The following SLC49A3 variants were observed in gnomAD, a reference collection of about 807,000 sequenced individuals.
SLC49A3 encodes solute carrier family 49 member A3.
A neutral mutation model predicts 43.8 loss-of-function variants in SLC49A3; 50 were observed. That is an observed-to-expected ratio of 1.14 (90% CI 0.91 to 1.45). SLC49A3 has a LOEUF of 1.45. Among genes scored for constraint, SLC49A3 ranks in the 40% most tolerant of loss-of-function variants. SLC49A3 has a pLI of 0.00. For synonymous variants in SLC49A3, 413 were observed against 352.0 expected (o/e 1.17, Z -1.94); for missense variants, 906 against 774.1 (o/e 1.17, Z -2.02).
rs777792969 is a variant in SLC49A3, at chr4:683,639, C to T, written c.963G>A (p.Leu321=). The change falls in exon 7 of 10, where the codon CTG becomes CTA. Residue 321 remains leucine (L), a synonymous_variant. Transcript: ENST00000322224. ...FTEATKIGLC[L]FSLACVPFAL... ...CAAAGGGCACGCAGGCCAGAGAGAA[C>T]AGGCACAGGCCAATCTTGGTGGCCT... The T allele has an allele frequency of 8.7e-6, 14 of 1,612,166 alleles. No individual in the cohort carries two copies. Among genetic ancestry groups the T allele is most frequent in the Non-Finnish European group, 1.1e-5 (13 of 1,179,598 alleles).
Position 682,831 on chromosome 4 carries a change from T to A in SLC49A3, c.1211A>T (p.Glu404Val). 2 of 1,605,284 alleles carry A rather than the reference T, an allele frequency of 1.2e-6. No individual in the cohort carries two copies. Among genetic ancestry groups the A allele is most frequent in the Non-Finnish European group, 1.7e-6 (2 of 1,175,052 alleles). The change falls in exon 9 of 10, where the codon GAG becomes GTG. Residue 404 changes from glutamate to valine, a missense_variant. Transcript: ENST00000322224. ...AMTALTVRRS[E>V]PSLSTCQQGE... ...CTGCTGGCAGGTGGACAAGGACGGCTCCGAGCGTCGCACAGTCAGTGCCGT... is the reference window on the plus strand; with the variant it reads ...CTGCTGGCAGGTGGACAAGGACGGCACCGAGCGTCGCACAGTCAGTGCCGT...
chr4:679,847 G>C (rs931329915), downstream of SLC49A3: 1 of 1,397,404 alleles, frequency 7.2e-7, no homozygotes. Flanking sequence ...CCTGTGCTGG[G>C]GTCACCTGCT....
chr4:685,680 T>C lies in SLC49A3; in HGVS notation c.585+155A>G, dbSNP rs1032575187. 2.6e-5 allele frequency among the ~76,000 whole-genome samples: 4 copies of C among 151,816 alleles called. No individual in the cohort carries two copies. Among genetic ancestry groups the C allele is most frequent in the African/African-American group, 9.7e-5 (4 of 41,304 alleles). ...GAGATCGCGCCACTGCAATTCAGCC[T>C]GAGCGACAGGCTGAGACTCCTTCTC... On this transcript the variant is annotated intron_variant, in intron 4 of 9. Transcript: ENST00000322224. This position sits in a 1 kb window ranked among gnomAD's most constrained non-coding sequence, Gnocchi z 4.3.
intron 1 of SLC49A3, chr4:688,194 T>C (rs1741426327): frequency 6.6e-6 from 1 of 152,312 alleles, no homozygotes; most frequent in Non-Finnish European, 1.5e-5. Context: ...TTACGGCTCG[T>C]GCCAGCATTG....
Position 682,152 on chromosome 4 carries a change from C to A in SLC49A3, c.1486G>T (p.Ala496Ser), listed in dbSNP as rs775214097. Reference protein sequence around the residue: ...TATPECTARGASLEDPRGPGS... With the variant: ...TATPECTARGSSLEDPRGPGS... ...GGCCCTCTGGGGTCCTCTAGCGAGG[C>A]CCCCCTCGCCGTGCACTCCGGAGTC... The change falls in exon 10 of 10, where the codon GCC becomes TCC. Residue 496 changes from alanine (A) to serine (S), a missense_variant. By Grantham distance (99) the Ala-to-Ser change is moderately conservative. Coordinates refer to ENST00000322224, the MANE Select transcript of SLC49A3 (RefSeq NM_032219.4). 5 of 1,337,440 alleles carry A rather than the reference C, an allele frequency of 3.7e-6. No individual in the cohort carries two copies. The highest frequency in any genetic ancestry group is 3.5e-5 in the Admixed American group (1 of 28,396). 82.8% of individuals were successfully genotyped at this position (1,337,440 alleles called of 1,614,324 possible).
intron 8 of SLC49A3, 106 bp downstream of exon 8, chr4:683,104 C>A: frequency 6.9e-7 from 1 of 1,454,776 alleles, no homozygotes; most frequent in South Asian, 1.3e-5. Flanking sequence ...GCAGGTTCCC[C>A]ACCTCCCCGA....
chr4:683,516 G>T, intron 7 of SLC49A3, 93 bp downstream of exon 7: 1 of 1,505,888 alleles, frequency 6.6e-7, no homozygotes, highest in South Asian at 1.3e-5. Context: ...AGACAGTCCA[G>T]ACCTCTGTTC....
chr4:691,507 A>G (rs1741886138), upstream of SLC49A3, among the ~76,000 whole-genome samples: 1 of 144,868 alleles, frequency 6.9e-6, no homozygotes, highest in Admixed American at 7.0e-5. Context: ...TAAGGTGGGA[A>G]TTGATTAAAC....
chr4:681,718 C>T (rs1372776693), downstream of SLC49A3: 3 of 169,374 alleles, frequency 1.8e-5, no homozygotes, highest in African/African-American at 3.9e-5. Flanking sequence ...CCCTCCAGCG[C>T]CGCCCCGCCC....
intron 6 of SLC49A3, among the ~76,000 whole-genome samples, chr4:684,136 C>T (rs559025136): frequency 5.3e-4 from 81 of 152,336 alleles, no homozygotes; most frequent in South Asian, 5.0e-3. Context: ...CCCCGCTGCA[C>T]GTCTGGATAC....
In SLC49A3 at chr4:686,550, G is replaced by A. The variant is rs144153795; in HGVS notation, c.276C>T (p.Ser92=). The A allele has an allele frequency of 2.4e-5, 39 of 1,612,694 alleles. 2 individuals carry two copies. In the East Asian group the frequency reaches 2.9e-4, roughly 12 times the overall value. ...GACTCACCGCCGCACGGAGCCCGAC[G>A]GAGTCCAGGATCCAGATGGCCGCCA... The part of the protein sequence containing the change: ...FGVAAIWILD[S]VGLRAATILG... The change falls in exon 2 of 10, where the codon TCC becomes TCT. Residue 92 remains serine, a synonymous_variant. Coordinates refer to ENST00000322224, the MANE Select transcript of SLC49A3 (RefSeq NM_032219.4).
At position 684,369 on chromosome 4, in the gene SLC49A3, T is replaced by C. The variant is rs117784957; in HGVS notation, c.840+114A>G. ...GGAGGGCCCACAGCACAGAAGGGTG[T>C]CAATGTGGCCCCCGCCAGGGTCGGA... On this transcript the variant is annotated intron_variant, in intron 6 of 9. Transcript: ENST00000322224. 4,023 of 1,424,782 alleles carry C rather than the reference T, an allele frequency of 2.8e-3. 51 individuals are homozygous for C. In the East Asian group the frequency reaches 0.042, roughly 15 times the overall value. 88.3% of individuals were successfully genotyped at this position (1,424,782 alleles called of 1,614,324 possible).
intron 6 of SLC49A3, among the ~76,000 whole-genome samples, chr4:684,091 G>A (rs1419695096): frequency 6.6e-6 from 1 of 152,246 alleles, no homozygotes; most frequent in Non-Finnish European, 1.5e-5. Context: ...AGGGCAGAGG[G>A]CCAGCTCGGA....
rs1374337257 is a variant in SLC49A3, at chr4:682,048, G to A, written c.1590C>T (p.Pro530=). 5.6e-6 allele frequency: 8 copies of A among 1,416,290 alleles called. No individual in the cohort carries two copies. The highest frequency in any genetic ancestry group is 3.1e-5 in the South Asian group (2 of 64,970). The allele number at this position is 1,416,290 out of a possible 1,614,324, so 87.7% of individuals were successfully genotyped here. ...GPAATDAPSR[P]GRLAGRVQAS... ...CTTGGACCCTGCCTGCGAGTCTGCC[G>A]GGGCGGGAGGGCGCGTCGGTGGCTG... Residue 530 remains proline, a synonymous_variant, in exon 10 of 10, where the codon CCC becomes CCT. Transcript: ENST00000322224.
Position 685,475 on chromosome 4 carries a change from G to A in SLC49A3, c.585+360C>T, listed in dbSNP as rs943450496. 2.6e-5 allele frequency among the ~76,000 whole-genome samples: 4 copies of A among 151,940 alleles called. No individual in the cohort carries two copies. The highest frequency in any genetic ancestry group is 6.6e-5 in the Admixed American group (1 of 15,242). ...AGCACTTTGGGAAGCCGAGGCAGAC[G>A]GATCATGAGGTCAGGAGTTCGAGAC... On this transcript the variant is annotated intron_variant, in intron 4 of 9. Transcript: ENST00000322224. This position sits in a 1 kb window ranked among gnomAD's most constrained non-coding sequence, Gnocchi z 4.3.
rs772398147 is a variant in SLC49A3 at position 681,959 on chromosome 4, T to C, written c.1679A>G (p.Ter560TrpextTer5). The C allele has an allele frequency of 6.1e-5, 84 of 1,370,006 alleles. No homozygotes were observed. The highest frequency in any genetic ancestry group is 1.7e-4 in the Admixed American group (6 of 34,684). 84.9% of individuals were successfully genotyped at this position (1,370,006 alleles called of 1,614,324 possible). A position where few individuals can be genotyped will look rare whatever the true frequency, so the allele number is the denominator to read the frequency against. ...SSFSSPWVIT[*>W] is the part of the protein sequence containing the mutation. ...CAACCTGGACTACAAGGCGCTCAGC[T>C]ACGTGATCACCCACGGGGAGGAGAA... Residue 560 changes from the stop codon to tryptophan (W), a stop_lost, in exon 10 of 10, where the codon TAG (stop) becomes TGG (tryptophan). Transcript: ENST00000322224.
intron 6 of SLC49A3, 145 bp downstream of exon 6, chr4:684,338 A>C: frequency 9.0e-7 from 1 of 1,113,412 alleles, no homozygotes. Context: ...CACACAGGGC[A>C]TCTCGGGAGG....
At chr4:677,358 A>C (rs1008481674), downstream of SLC49A3, among the ~76,000 whole-genome samples, 3 of 152,178 alleles carry the variant, frequency 2.0e-5, no homozygotes, top group South Asian at 2.1e-4. Flanking sequence ...GCCATGGTAT[A>C]GTGGGGAAGA....
At chr4:688,215 G>C (rs938413061) in intron 1 of SLC49A3, among the ~76,000 whole-genome samples, 2 of 152,198 alleles carry the variant, frequency 1.3e-5, no homozygotes, top group African/African-American at 4.8e-5. Context: ...TGGGCAGCAG[G>C]CAGCCCCTGG....
Sources: gnomAD v4.1 joint callset for allele counts (sites outside exome capture counted in the v4.1 genomes callset) on GRCh38, gnomAD v4.1.1 for gene constraint, Gnocchi (gnomAD v3.1) non-coding constraint, MANE v1.5 for transcripts, NCBI Gene and HGNC (gene_info 2026-07-23, HGNC 2026-07-21) for gene names.